ENOX1: variants seen among roughly 807,000 people sequenced by gnomAD.
The protein encoded by ENOX1 is candidate growth-related and time keeping constitutive hydroquinone (NADH) oxidase.
ENOX1 carries 42 observed loss-of-function variants against 82.5 expected under a neutral mutation model. The observed-to-expected ratio is 0.51, with a 90% CI of 0.40 to 0.66. The LOEUF (loss-of-function observed/expected upper bound fraction) is 0.66, where lower values mean the gene tolerates loss of function less well. Among genes scored for constraint, ENOX1 ranks in the 30% least tolerant of loss-of-function variants. The pLI, the probability that ENOX1 is intolerant of heterozygous loss-of-function variation, is 0.00. For missense variants in ENOX1, 608 were observed against 811.6 expected, an observed-to-expected ratio of 0.75 and a Z score of 3.05; for synonymous variants, 271 against 282.2, an observed-to-expected ratio of 0.96 and a Z score of 0.40.
At chr13:43,516,139 G>A (rs941827821) in intron 2 of ENOX1, among the ~76,000 whole-genome samples, 2 of 152,154 alleles carry the variant, frequency 1.3e-5, no homozygotes, top group Non-Finnish European at 2.9e-5. Context: ...GGAATATACA[G>A]TAAAGAATGG....
At chr13:43,522,525 G>A (rs1162041325) in intron 2 of ENOX1, among the ~76,000 whole-genome samples, 3 of 152,106 alleles carry the variant, frequency 2.0e-5, no homozygotes, top group Non-Finnish European at 2.9e-5. Context: ...AATTAATGAA[G>A]GAGATAAGAT....
rs536002779 is a variant in ENOX1, at chr13:43,606,011, C to T, written c.-219+61468G>A. ...AATGGGCAAAAGATCTGAATAGACACTTCTCAAAAGAAGACATGCCAATGG... is the reference window on the plus strand; with the variant it reads ...AATGGGCAAAAGATCTGAATAGACATTTCTCAAAAGAAGACATGCCAATGG... On this transcript the variant is annotated intron_variant, in intron 2 of 16. Transcript: ENST00000690772. 1.6e-4 allele frequency among the ~76,000 whole-genome samples: 24 copies of T among 152,258 alleles called. No individual in the cohort carries two copies. In the East Asian group the frequency reaches 4.6e-3, roughly 29 times the overall value.
chr13:43,350,761 C>G (rs779363826), intron 8 of ENOX1, among the ~76,000 whole-genome samples: 4 of 152,076 alleles, frequency 2.6e-5, no homozygotes, highest in Non-Finnish European at 4.4e-5. Flanking sequence ...TTTTTCCTCC[C>G]GCTTTGTGTG....
chr13:43,606,963 G>C (rs1485918744), intron 2 of ENOX1, among the ~76,000 whole-genome samples: 1 of 152,132 alleles, frequency 6.6e-6, no homozygotes, highest in East Asian at 1.9e-4. Context: ...AGCTGAGATA[G>C]TGCCACTGTG....
chr13:43,529,029 GCTTGTTT>G (rs2078098433), intron 2 of ENOX1, among the ~76,000 whole-genome samples: 1 of 151,794 alleles, frequency 6.6e-6, no homozygotes, highest in Non-Finnish European at 1.5e-5. Context: ...AAACGTTTCT[GCTTGTTT>G]TAAATATTTT....
At chr13:43,432,621 C>A (rs1315119265) in intron 3 of ENOX1, among the ~76,000 whole-genome samples, 1 of 151,972 alleles carries the variant, frequency 6.6e-6, no homozygotes, top group Non-Finnish European at 1.5e-5. Flanking sequence ...CCAGCCTGGG[C>A]AACAGAGTGA....
At chr13:43,752,947 C>T (rs797018754) in intron 1 of ENOX1, among the ~76,000 whole-genome samples, 5 of 150,378 alleles carry the variant, frequency 3.3e-5, no homozygotes, top group African/African-American at 7.2e-5. Flanking sequence ...GCGACCTCTG[C>T]CTCCCAGGCT....
intron 2 of ENOX1, among the ~76,000 whole-genome samples, chr13:43,540,747 G>A (rs1191118379): frequency 3.9e-5 from 6 of 152,198 alleles, no homozygotes; most frequent in African/African-American, 1.4e-4. Context: ...TGTTTATTCA[G>A]TCAGCTGTGG....
intron 1 of ENOX1, among the ~76,000 whole-genome samples, chr13:43,713,170 T>C (rs2087855077): frequency 6.6e-6 from 1 of 152,228 alleles, no homozygotes; most frequent in African/African-American, 2.4e-5. Flanking sequence ...ATTGAGATAA[T>C]TATGTGGTTT....
chr13:43,705,332 A>C (rs868278986), intron 1 of ENOX1, among the ~76,000 whole-genome samples: 1,799 of 50,604 alleles, frequency 0.036, 11 homozygotes, highest in Non-Finnish European at 0.05. Context: ...CTCTCTCTCT[A>C]TATATATATA....
At chr13:43,295,182 A>G (rs2153504866) in intron 12 of ENOX1, among the ~76,000 whole-genome samples, 1 of 152,362 alleles carries the variant, frequency 6.6e-6, no homozygotes, top group Middle Eastern at 3.4e-3. Flanking sequence ...AAATATGTAT[A>G]GTCTTTACTT....
intron 11 of ENOX1, among the ~76,000 whole-genome samples, chr13:43,314,976 A>AT (rs2047398634): frequency 6.6e-6 from 1 of 152,192 alleles, no homozygotes; most frequent in Non-Finnish European, 1.5e-5. Context: ...TTTCTATTCC[A>AT]TTAATATATA....
intron 14 of ENOX1, among the ~76,000 whole-genome samples, chr13:43,255,842 C>T (rs73463490): frequency 6.0e-4 from 92 of 152,214 alleles, no homozygotes; most frequent in Middle Eastern, 3.4e-3. Flanking sequence ...GTCAATACTA[C>T]CCGAAGCAAT....
intron 2 of ENOX1, among the ~76,000 whole-genome samples, chr13:43,584,738 C>A (rs1251724726): frequency 6.6e-6 from 1 of 152,116 alleles, no homozygotes; most frequent in African/African-American, 2.4e-5. Context: ...TCAAAGAAGT[C>A]GACATCACCA....
chr13:43,293,166 T>G (rs936916727), intron 12 of ENOX1, among the ~76,000 whole-genome samples: 4 of 151,950 alleles, frequency 2.6e-5, no homozygotes, highest in Non-Finnish European at 4.4e-5. Context: ...GCAACACAAC[T>G]GAGGTTACCA....
intron 2 of ENOX1, among the ~76,000 whole-genome samples, chr13:43,603,276 T>C (rs1185915538): frequency 6.6e-6 from 1 of 152,054 alleles, no homozygotes; most frequent in East Asian, 1.9e-4. Flanking sequence ...TATGTCATGC[T>C]TTTTATTTTG....
At chr13:43,785,488 T>C (rs1952516975) in intron 1 of ENOX1, among the ~76,000 whole-genome samples, 1 of 152,176 alleles carries the variant, frequency 6.6e-6, no homozygotes, top group Non-Finnish European at 1.5e-5. Context: ...TGCATTCTCC[T>C]GGGTCTGCTT....
intron 3 of ENOX1, among the ~76,000 whole-genome samples, chr13:43,478,054 G>T (rs1036524311): frequency 1.9e-4 from 19 of 100,462 alleles, no homozygotes; most frequent in East Asian, 4.4e-4. Context: ...AGCCAGAGAG[G>T]TTTTTTTTTT....
chr13:43,378,956 G>C (rs2051835658), intron 5 of ENOX1, among the ~76,000 whole-genome samples: 1 of 152,158 alleles, frequency 6.6e-6, no homozygotes, highest in South Asian at 2.1e-4. Flanking sequence ...GTCCTAAAAA[G>C]GGGAAGAGGG....
Sources: allele counts gnomAD v4.1 joint callset (sites outside exome capture counted in the v4.1 genomes callset), GRCh38; gene constraint gnomAD v4.1.1; transcripts MANE v1.5; gene names NCBI Gene and HGNC (gene_info 2026-07-23, HGNC 2026-07-21).